The following NELL1 variants were observed in gnomAD, a reference collection of about 807,000 sequenced individuals.
NELL1 encodes the protein protein kinase C-binding protein NELL1.
In NELL1, 76 loss-of-function variants were observed where a neutral mutation model predicts 107.4. The observed-to-expected ratio is 0.71, with a 90% CI of 0.59 to 0.86. NELL1 has a LOEUF of 0.86. Ranked by LOEUF, NELL1 falls within the 40% of genes least tolerant of loss-of-function variation. NELL1 has a pLI of 0.00. For synonymous variants in NELL1, 353 were observed against 341.2 expected (o/e 1.03, Z -0.38); for missense variants, 1,024 against 1,005.5 (o/e 1.02, Z -0.25).
At chr11:20,943,399 A>G (rs1034532205) in intron 10 of NELL1, among the ~76,000 whole-genome samples, 1 of 152,102 alleles carries the variant, frequency 6.6e-6, no homozygotes, top group African/African-American at 2.4e-5. Flanking sequence ...CTTGGCCAAC[A>G]TGGTAAAACC....
intron 12 of NELL1, among the ~76,000 whole-genome samples, chr11:21,112,690 T>A (rs138079018): frequency 1.3e-5 from 2 of 152,016 alleles, no homozygotes; most frequent in Non-Finnish European, 2.9e-5. Context: ...GAATTGACCA[T>A]TGGGACAAAA....
intron 15 of NELL1, among the ~76,000 whole-genome samples, chr11:21,473,998 C>T (rs111261270): frequency 7.2e-5 from 11 of 152,052 alleles, no homozygotes; most frequent in South Asian, 2.1e-4. Context: ...CTGTTACGTA[C>T]GAGGTACTAT....
chr11:21,061,731 G>A (rs1261826134), intron 12 of NELL1, among the ~76,000 whole-genome samples: 1 of 152,186 alleles, frequency 6.6e-6, no homozygotes. Context: ...GTCGGTGGTA[G>A]AGAAGCAAAA....
chr11:21,146,525 A>G (rs187971220), intron 13 of NELL1, among the ~76,000 whole-genome samples: 1 of 152,274 alleles, frequency 6.6e-6, no homozygotes, highest in African/African-American at 2.4e-5. Flanking sequence ...CCAAACTAGG[A>G]GGGAAGAAAC....
chr11:21,229,192 G>C lies in NELL1; in HGVS notation c.1427-140G>C. On this transcript the variant is annotated intron_variant, in intron 13 of 19. Coordinates refer to ENST00000357134, the MANE Select transcript of NELL1 (RefSeq NM_006157.5). ...TCTTTCAGAGTTTAGATTTCAACAG[G>C]AACTTTTAGGCGCATAGTAAGGTAC... 4 of 855,818 alleles carry C rather than the reference G, an allele frequency of 4.7e-6. No individual in the cohort carries two copies. In the South Asian group the frequency reaches 6.7e-5, roughly 14 times the overall value. 53.0% of individuals were successfully genotyped at this position (855,818 alleles called of 1,614,324 possible).
At chr11:21,502,765 A>G (rs976205016) in intron 15 of NELL1, among the ~76,000 whole-genome samples, 1 of 152,238 alleles carries the variant, frequency 6.6e-6, no homozygotes, top group Non-Finnish European at 1.5e-5. Context: ...GGTAAAACAA[A>G]TGAAGCAATT....
chr11:21,268,156 C>G (rs1848671573), intron 14 of NELL1, among the ~76,000 whole-genome samples: 1 of 152,086 alleles, frequency 6.6e-6, no homozygotes, highest in South Asian at 2.1e-4. Flanking sequence ...GAACCAGGAC[C>G]AGGGTAGGGA....
chr11:21,373,716 T>C (rs1851405594), intron 15 of NELL1, among the ~76,000 whole-genome samples: 1 of 152,094 alleles, frequency 6.6e-6, no homozygotes, highest in South Asian at 2.1e-4. Context: ...TTGATGACAT[T>C]TCAGTAACCT....
intron 14 of NELL1, among the ~76,000 whole-genome samples, chr11:21,292,837 T>C (rs1417108929): frequency 6.6e-6 from 1 of 152,282 alleles, no homozygotes; most frequent in African/African-American, 2.4e-5. Context: ...GGGGAAAGGA[T>C]TCCCTATTTA....
chr11:21,338,748 G>A (rs1011446810), intron 14 of NELL1, among the ~76,000 whole-genome samples: 2 of 152,058 alleles, frequency 1.3e-5, no homozygotes, highest in African/African-American at 4.8e-5. Context: ...GCAGGACTTG[G>A]AAAGGCTCAT....
chr11:21,575,274 C>T lies in NELL1; in HGVS notation c.*252C>T, dbSNP rs1467195789. Reference sequence around the variant, plus strand: ...TCAATGGTTGTTAAAAGAAGTTTCCCGTGTTGTAAATCATGTTTCCCTTAT... The same window carrying T: ...TCAATGGTTGTTAAAAGAAGTTTCCTGTGTTGTAAATCATGTTTCCCTTAT... On this transcript the variant is annotated 3_prime_UTR_variant, in exon 20 of 20. Transcript: ENST00000357134. The T allele has an allele frequency of 4.7e-6, 2 of 426,636 alleles. No individual in the cohort carries two copies. The highest frequency in any genetic ancestry group is 7.3e-5 in the East Asian group (2 of 27,568). 26.4% of individuals were successfully genotyped at this position (426,636 alleles called of 1,614,324 possible). A position where few individuals can be genotyped will look rare whatever the true frequency, so the allele number is the denominator to read the frequency against.
chr11:20,919,857 C>T (rs1433818256), intron 7 of NELL1, among the ~76,000 whole-genome samples: 1 of 152,084 alleles, frequency 6.6e-6, no homozygotes. Context: ...TCAACACCTT[C>T]GGTTTTATAA....
At chr11:21,030,422 A>G (rs956728279) in intron 12 of NELL1, among the ~76,000 whole-genome samples, 3 of 152,184 alleles carry the variant, frequency 2.0e-5, no homozygotes, top group Non-Finnish European at 2.9e-5. Flanking sequence ...CCTTTTTGAT[A>G]TTCAGCTAAT....
At chr11:21,326,487 C>G (rs112235646) in intron 14 of NELL1, among the ~76,000 whole-genome samples, 1 of 151,886 alleles carries the variant, frequency 6.6e-6, no homozygotes, top group African/African-American at 2.4e-5. Flanking sequence ...TATAAACTCT[C>G]AAATACATGA....
intron 2 of NELL1, among the ~76,000 whole-genome samples, chr11:20,683,776 C>T (rs1854243215): frequency 6.6e-6 from 1 of 151,882 alleles, no homozygotes; most frequent in Non-Finnish European, 1.5e-5. Context: ...GTTTTTGTCC[C>T]CATTCTTTAA....
chr11:21,214,581 A>G (rs961432066), intron 13 of NELL1, among the ~76,000 whole-genome samples: 1 of 152,166 alleles, frequency 6.6e-6, no homozygotes, highest in African/African-American at 2.4e-5. Flanking sequence ...TCATTCAGAC[A>G]TTGCTGATGA....
intron 1 of NELL1, among the ~76,000 whole-genome samples, chr11:20,675,315 A>G (rs1174269906): frequency 6.6e-6 from 1 of 152,220 alleles, no homozygotes; most frequent in Non-Finnish European, 1.5e-5. Flanking sequence ...AGAGGGGTAA[A>G]GATTTAAGGC....
chr11:21,358,565 ATTTTTTTTTTT>A (rs75578174), intron 14 of NELL1, among the ~76,000 whole-genome samples: 2 of 97,682 alleles, frequency 2.0e-5, no homozygotes, highest in South Asian at 4.0e-4. Context: ...TGCCCTGATA[ATTTTTTTTTTT>A]TTTTTTTTTT....
At chr11:21,011,890 T>C (rs1852454970) in intron 12 of NELL1, among the ~76,000 whole-genome samples, 1 of 152,160 alleles carries the variant, frequency 6.6e-6, no homozygotes, top group Admixed American at 6.5e-5. Context: ...CAAATAGGCA[T>C]AAAACCAGTG....
Sources: allele counts gnomAD v4.1 joint callset (sites outside exome capture counted in the v4.1 genomes callset), GRCh38; gene constraint gnomAD v4.1.1; transcripts MANE v1.5; gene names NCBI Gene and HGNC (gene_info 2026-07-23, HGNC 2026-07-21).